NRG3: variants seen among roughly 807,000 people sequenced by gnomAD.
The protein encoded by NRG3 is neuregulin 3.
A neutral mutation model predicts 66.9 loss-of-function variants in NRG3; 31 were observed. The observed-to-expected ratio is 0.46, with a 90% CI of 0.35 to 0.63. The LOEUF is 0.63. Among genes scored for constraint, NRG3 ranks in the 20% least tolerant of loss-of-function variants. The pLI, the probability that NRG3 is intolerant of heterozygous loss-of-function variation, is 0.00. For synonymous variants in NRG3, 393 were observed against 359.4 expected (o/e 1.09, Z -1.06); for missense variants, 910 against 878.9 (o/e 1.04, Z -0.45).
At chr10:82,062,585 G>A (rs1238249391) in intron 1 of NRG3, among the ~76,000 whole-genome samples, 2 of 150,062 alleles carry the variant, frequency 1.3e-5, no homozygotes, top group Admixed American at 6.7e-5. Context: ...CAGCCTAGGG[G>A]CAGAGCAAGA....
intron 1 of NRG3, among the ~76,000 whole-genome samples, chr10:82,308,559 A>G (rs2080866323): frequency 6.6e-6 from 1 of 152,178 alleles, no homozygotes; most frequent in Non-Finnish European, 1.5e-5. Context: ...TTTTGTGTAT[A>G]TTAACATTGT....
chr10:82,554,702 A>G (rs1278295435), intron 2 of NRG3, among the ~76,000 whole-genome samples: 7 of 152,198 alleles, frequency 4.6e-5, no homozygotes, highest in African/African-American at 1.7e-4. Context: ...ATCTTCCAAT[A>G]TGAATGTGCA....
At chr10:82,497,963 G>C (rs1323835487) in intron 2 of NRG3, among the ~76,000 whole-genome samples, 2 of 152,064 alleles carry the variant, frequency 1.3e-5, no homozygotes, top group African/African-American at 4.8e-5. Context: ...CTGTGGTTTT[G>C]ATTTGCATAT....
At chr10:82,348,391 T>A (rs2083178490) in intron 1 of NRG3, among the ~76,000 whole-genome samples, 1 of 146,282 alleles carries the variant, frequency 6.8e-6, no homozygotes, top group South Asian at 2.1e-4. Context: ...TGTTGAATAT[T>A]GGCCCCCACT....
chr10:82,130,548 G>T (rs1438803396), intron 1 of NRG3, among the ~76,000 whole-genome samples: 3 of 152,020 alleles, frequency 2.0e-5, no homozygotes, highest in Non-Finnish European at 4.4e-5. Flanking sequence ...TTTTGGGGGG[G>T]TATATACCTA....
At chr10:82,866,983 A>C (rs1840807889) in intron 4 of NRG3, among the ~76,000 whole-genome samples, 1 of 152,132 alleles carries the variant, frequency 6.6e-6, no homozygotes, top group African/African-American at 2.4e-5. Context: ...AGAGAGAAAA[A>C]AAATGTTGGT....
chr10:82,793,249 G>C (rs980732982), intron 3 of NRG3, among the ~76,000 whole-genome samples: 1 of 152,040 alleles, frequency 6.6e-6, no homozygotes, highest in Non-Finnish European at 1.5e-5. Flanking sequence ...GCTCATTTTT[G>C]AGTGGGAGTT....
chr10:82,073,991 C>T (rs896001623), intron 1 of NRG3, among the ~76,000 whole-genome samples: 10 of 151,100 alleles, frequency 6.6e-5, no homozygotes, highest in African/African-American at 1.5e-4. Context: ...AATAAGTAAA[C>T]GAGTATATTT....
intron 1 of NRG3, among the ~76,000 whole-genome samples, chr10:81,939,543 C>T (rs986312482): frequency 3.3e-5 from 5 of 151,612 alleles, no homozygotes; most frequent in Admixed American, 6.6e-5. Flanking sequence ...TAGGTTTCCC[C>T]GTTGCTGGTG....
At chr10:82,407,940 G>A (rs544923477) in intron 2 of NRG3, among the ~76,000 whole-genome samples, 4 of 151,592 alleles carry the variant, frequency 2.6e-5, no homozygotes, top group Admixed American at 1.3e-4. Context: ...ATGATGGTGC[G>A]TGCCTCTAGT....
chr10:82,065,736 G>A (rs923279360), intron 1 of NRG3, among the ~76,000 whole-genome samples: 2 of 152,146 alleles, frequency 1.3e-5, no homozygotes, highest in Non-Finnish European at 2.9e-5. Context: ...CCTTGCAGGA[G>A]GAGGAATATT....
chr10:82,460,677 A>C (rs1342138238), intron 2 of NRG3, among the ~76,000 whole-genome samples: 2 of 152,110 alleles, frequency 1.3e-5, no homozygotes, highest in Non-Finnish European at 2.9e-5. Context: ...GAATCAGCAG[A>C]TAGGGTCTCT....
chr10:82,870,229 A>G (rs1841207846), intron 4 of NRG3, among the ~76,000 whole-genome samples: 1 of 152,024 alleles, frequency 6.6e-6, no homozygotes, highest in East Asian at 1.9e-4. Flanking sequence ...TATTTGGAAT[A>G]ATACCTTTTG....
intron 1 of NRG3, among the ~76,000 whole-genome samples, chr10:82,177,661 C>T (rs2073130789): frequency 6.6e-6 from 1 of 152,126 alleles, no homozygotes; most frequent in Non-Finnish European, 1.5e-5. Flanking sequence ...GCCACTTCTA[C>T]CTCTTGGGCC....
intron 4 of NRG3, among the ~76,000 whole-genome samples, chr10:82,897,788 G>T (rs992269094): frequency 6.6e-6 from 1 of 152,114 alleles, no homozygotes; most frequent in African/African-American, 2.4e-5. Context: ...CCAAAGTGCC[G>T]GGATTACAGG....
chr10:82,112,146 G>A (rs1430353243), intron 1 of NRG3, among the ~76,000 whole-genome samples: 1 of 152,222 alleles, frequency 6.6e-6, no homozygotes, highest in African/African-American at 2.4e-5. Flanking sequence ...CAGGAGGCTG[G>A]TGCAGGAGAA....
rs76703021 is a variant in NRG3 at position 82,084,602 on chromosome 10, C to T, written c.823+208439C>T. On this transcript the variant is annotated intron_variant, in intron 1 of 8. Coordinates refer to ENST00000372141, the MANE Select transcript of NRG3 (RefSeq NM_001010848.4). ...GCACTATTTCCTTGGTGTGACATGC[C>T]GTAGTCAAGAAGTAGAAGCATGTAT... 7.6e-3 allele frequency among the ~76,000 whole-genome samples: 1,151 copies of T among 151,632 alleles called. 21 individuals are homozygous for T. Among genetic ancestry groups the T allele is most frequent in the African/African-American group, 0.026 (1,078 of 41,244 alleles).
At chr10:82,436,555 T>C (rs975317213) in intron 2 of NRG3, among the ~76,000 whole-genome samples, 5 of 152,334 alleles carry the variant, frequency 3.3e-5, no homozygotes, top group African/African-American at 1.2e-4. Context: ...AGTACTGTTA[T>C]GTGTGAATTT....
At chr10:82,957,453 A>T (rs376303344) in intron 5 of NRG3, among the ~76,000 whole-genome samples, 2 of 151,932 alleles carry the variant, frequency 1.3e-5, no homozygotes, top group Admixed American at 6.5e-5. Flanking sequence ...ATTCAAGGGC[A>T]TGATTCTACT....
Sources: gnomAD v4.1 joint callset for allele counts (sites outside exome capture counted in the v4.1 genomes callset) on GRCh38, gnomAD v4.1.1 for gene constraint, MANE v1.5 for transcripts, NCBI Gene and HGNC (gene_info 2026-07-23, HGNC 2026-07-21) for gene names.